ATG7: variants seen among roughly 807,000 people sequenced by gnomAD.
ATG7 encodes autophagy related 7.
In ATG7, 70 loss-of-function variants were observed where a neutral mutation model predicts 82.4. The observed-to-expected ratio is 0.85, with a 90% CI of 0.70 to 1.04. The LOEUF is 1.04. Ranked by LOEUF, ATG7 falls within the 50% of genes least tolerant of loss-of-function variation. The probability of loss-of-function intolerance (pLI) is 0.00; values close to 1 mark genes in which losing one functional copy is unlikely to be tolerated. For missense variants in ATG7, 792 were observed against 864.3 expected (o/e 0.92, Z 1.05); for synonymous variants, 287 against 313.0 (o/e 0.92, Z 0.88).
At chr3:11,574,742 T>C in the ATG7 span, among the ~76,000 whole-genome samples, 45 of 152,000 alleles carry the variant, frequency 3.0e-4, no homozygotes, top group African/African-American at 1.0e-3. Flanking sequence ...AACTTCACTA[T>C]GTACCCCATG....
Position 11,331,240 on chromosome 3 carries a change from T to C in ATG7, c.679-100T>C, listed in dbSNP as rs183439115. On this transcript the variant is annotated intron_variant, in intron 9 of 20. Transcript: ENST00000693202. ...ACCAGATGTTTAATTTTTAAGGCTT[T>C]GCAGAAAGCATAAAAAAGCAAAGAG... is the stretch of plus-strand genomic sequence containing the variant. The C allele has an allele frequency of 1.4e-3, 1,362 of 970,840 alleles. 15 individuals carry two copies. The highest frequency in any genetic ancestry group is 1.1e-3 in the Admixed American group (57 of 50,762). The allele number at this position is 970,840 out of a possible 1,614,324, so 60.1% of individuals were successfully genotyped here. A position where few individuals can be genotyped will look rare whatever the true frequency, so the allele number is the denominator to read the frequency against.
chr3:11,378,680 A>G (rs1359878109), intron 18 of ATG7, among the ~76,000 whole-genome samples: 2 of 72,020 alleles, frequency 2.8e-5, no homozygotes, highest in African/African-American at 8.3e-5. Flanking sequence ...GTGAGACTCC[A>G]TCTCCAAAAA....
At chr3:11,338,059 A>G (rs1032080305) in intron 11 of ATG7, among the ~76,000 whole-genome samples, 5 of 152,182 alleles carry the variant, frequency 3.3e-5, no homozygotes, top group Non-Finnish European at 4.4e-5. Flanking sequence ...TTGATCACCC[A>G]GGTACTAATA....
chr3:11,298,806 G>GT lies in ATG7; in HGVS notation c.112dup (p.Tyr38LeufsTer5), dbSNP rs1946345458. 1.2e-6 allele frequency: 2 copies of GT among 1,614,076 alleles called. No homozygotes were observed. Among genetic ancestry groups the GT allele is most frequent in the Non-Finnish European group, 1.7e-6 (2 of 1,180,046 alleles). ...AGTTGACCCAGAAGAAGCTGAACGAGTATCGGCTGGATGAAGCTCCCAAGG... is the reference window on the plus strand; with the variant it reads ...AGTTGACCCAGAAGAAGCTGAACGAGTTATCGGCTGGATGAAGCTCCCAAGG... On this transcript the variant is annotated frameshift_variant, in exon 4 of 21. Transcript: ENST00000693202. LOFTEE classifies it high-confidence loss of function.
chr3:11,314,567 G>A (rs1273601016), intron 8 of ATG7, among the ~76,000 whole-genome samples: 3 of 152,078 alleles, frequency 2.0e-5, no homozygotes, highest in Admixed American at 2.0e-4. Flanking sequence ...TGTAATTATT[G>A]CTGTGGTGCT....
chr3:11,340,752 G>A lies in ATG7; in HGVS notation c.980+17G>A. 6.2e-7 allele frequency: 1 copy of A among 1,607,694 alleles called. No individual in the cohort carries two copies. Among genetic ancestry groups the A allele is most frequent in the Non-Finnish European group, 8.5e-7 (1 of 1,175,248 alleles). On this transcript the variant is annotated intron_variant, in intron 12 of 20. Transcript: ENST00000693202. ...CCCTAAAAGGTATATTTGGGAAGCTGTTTTCTCCAGTCGGGCTTTTTGTAA... is the reference window on the plus strand; with the variant it reads ...CCCTAAAAGGTATATTTGGGAAGCTATTTTCTCCAGTCGGGCTTTTTGTAA...
At chr3:11,471,949 G>C (rs1342394440) in intron 20 of ATG7, among the ~76,000 whole-genome samples, 1 of 151,712 alleles carries the variant, frequency 6.6e-6, no homozygotes, top group Non-Finnish European at 1.5e-5. Context: ...TGCTGGCCAG[G>C]CTGGTCTTGA....
chr3:11,354,650 CAAAAAAAAAAA>C (rs5846706), intron 14 of ATG7, among the ~76,000 whole-genome samples: 17 of 61,938 alleles, frequency 2.7e-4, no homozygotes, highest in Middle Eastern at 9.4e-3. Context: ...TCCATCTCAC[CAAAAAAAAAAA>C]AAAAAAAAAA....
intron 20 of ATG7, among the ~76,000 whole-genome samples, chr3:11,517,959 C>G (rs1271564743): frequency 6.6e-6 from 1 of 152,174 alleles, no homozygotes; most frequent in Non-Finnish European, 1.5e-5. Flanking sequence ...TTGGGGTGAT[C>G]AGGCTGGCTC....
chr3:11,485,232 C>G (rs1355479973), intron 20 of ATG7, among the ~76,000 whole-genome samples: 1 of 152,200 alleles, frequency 6.6e-6, no homozygotes, highest in Non-Finnish European at 1.5e-5. Context: ...TAATGATTGC[C>G]ATTCTAACTG....
chr3:11,471,538 A>AG (rs2087520184), intron 20 of ATG7, among the ~76,000 whole-genome samples: 12 of 152,144 alleles, frequency 7.9e-5, no homozygotes, highest in Non-Finnish European at 1.8e-4. Context: ...GAAACTTTAA[A>AG]TGAATAAAAT....
At position 11,507,782 on chromosome 3, in the gene ATG7, C is replaced by G. The variant is rs530842822; in HGVS notation, c.2080-47029C>G. Among the ~76,000 whole-genome samples the G allele has an allele frequency of 7.2e-5, 11 of 152,116 alleles. No homozygotes were observed. The South Asian group carries it at 8.3e-4, about 11-fold the overall frequency. On this transcript the variant is annotated intron_variant, in intron 20 of 20. Transcript: ENST00000693202. The stretch of plus-strand genomic sequence containing the variant: ...AGCCCAGCAATTTTAAGTCCACACT[C>G]TAGATGTGGGAAGGAAGAGAGGAAA...
the ATG7 span, among the ~76,000 whole-genome samples, chr3:11,563,062 C>T: frequency 2.6e-5 from 4 of 152,342 alleles, no homozygotes; most frequent in South Asian, 8.3e-4. Flanking sequence ...AAACCAACTG[C>T]AAGATTCTCA....
chr3:11,284,997 C>T (rs1943728070), intron 3 of ATG7, among the ~76,000 whole-genome samples: 1 of 151,642 alleles, frequency 6.6e-6, no homozygotes, highest in African/African-American at 2.4e-5. Context: ...TAGGCGCCCG[C>T]CACCATGCCC....
intron 19 of ATG7, among the ~76,000 whole-genome samples, chr3:11,413,910 A>G (rs2081143055): frequency 6.6e-6 from 1 of 152,184 alleles, no homozygotes; most frequent in Non-Finnish European, 1.5e-5. Flanking sequence ...CTTATTGGTT[A>G]TAGGTCTATT....
At chr3:11,461,274 T>G (rs994017305) in intron 20 of ATG7, among the ~76,000 whole-genome samples, 3 of 152,216 alleles carry the variant, frequency 2.0e-5, no homozygotes, top group Admixed American at 2.0e-4. Flanking sequence ...AAATGTGTTC[T>G]TTACAGGGAT....
At chr3:11,331,142 A>G (rs1174290314) in intron 9 of ATG7, among the ~76,000 whole-genome samples, 198 bp from the exon 10 acceptor site, 1 of 152,192 alleles carries the variant, frequency 6.6e-6, no homozygotes, top group African/African-American at 2.4e-5. Flanking sequence ...AGAATTTGAT[A>G]GCCCCTGCTA....
chr3:11,511,008 T>C (rs2092023979), intron 20 of ATG7, among the ~76,000 whole-genome samples: 4 of 152,072 alleles, frequency 2.6e-5, no homozygotes, highest in African/African-American at 9.6e-5. Context: ...GTGTTCGGAG[T>C]TTCTTCCTTC....
intron 9 of ATG7, among the ~76,000 whole-genome samples, chr3:11,317,838 G>C (rs1232952155): frequency 6.6e-6 from 1 of 151,952 alleles, no homozygotes; most frequent in South Asian, 2.1e-4. Context: ...TGATCCTCCC[G>C]CCTCGCCCTC....
Sources: gnomAD v4.1 joint callset for allele counts (sites outside exome capture counted in the v4.1 genomes callset) on GRCh38, gnomAD v4.1.1 for gene constraint, MANE v1.5 for transcripts, NCBI Gene and HGNC (gene_info 2026-07-23, HGNC 2026-07-21) for gene names.